Variants in DTNA observed in about 807,000 individuals in gnomAD.
DTNA encodes dystrobrevin alpha.
DTNA carries 43 observed loss-of-function variants against 100.7 expected under a neutral mutation model. The ratio of observed to expected loss-of-function variants is 0.43; its 90% CI spans 0.33 to 0.55. DTNA has a LOEUF of 0.55. Among genes scored for constraint, DTNA ranks in the 20% least tolerant of loss-of-function variants. The pLI is 0.04. For synonymous variants in DTNA, 349 were observed against 347.9 expected (o/e 1.00, Z -0.04); for missense variants, 798 against 953.9 (o/e 0.84, Z 2.15).
chr18:34,891,665 T>C lies in DTNA; in HGVS notation c.*3931T>C, dbSNP rs376796429. 8 of 152,364 alleles carry C rather than the reference T, an allele frequency of 5.3e-5. No homozygotes were observed. The highest frequency in any genetic ancestry group is 1.9e-4 in the African/African-American group (8 of 41,582). 9.4% of individuals were successfully genotyped at this position (152,364 alleles called of 1,614,324 possible). On this transcript the variant is annotated 3_prime_UTR_variant, in exon 23 of 23. Coordinates refer to ENST00000444659, the MANE Select transcript of DTNA (RefSeq NM_001386795.1). Reference sequence around the variant, plus strand: ...ATGGAAATCCTTATTATAATTGATATGGAAGTGAGTTTGAAATTCTAACAG... The same window carrying C: ...ATGGAAATCCTTATTATAATTGATACGGAAGTGAGTTTGAAATTCTAACAG...
At chr18:34,678,569 G>A (rs1433782857) in intron 1 of DTNA, among the ~76,000 whole-genome samples, 1 of 152,016 alleles carries the variant, frequency 6.6e-6, no homozygotes, top group Non-Finnish European at 1.5e-5. Flanking sequence ...TCAAATTTTT[G>A]CTGCTTCAAG....
intron 1 of DTNA, among the ~76,000 whole-genome samples, chr18:34,685,412 T>C (rs1452383111): frequency 6.6e-6 from 1 of 152,198 alleles, no homozygotes; most frequent in Non-Finnish European, 1.5e-5. Context: ...TCCCCATTGC[T>C]TGTTTGTGTC....
intron 1 of DTNA, among the ~76,000 whole-genome samples, chr18:34,751,409 T>G (rs2092308059): frequency 6.6e-6 from 1 of 152,186 alleles, no homozygotes; most frequent in South Asian, 2.1e-4. Flanking sequence ...AACCTGAATC[T>G]CTATACATCA....
At chr18:34,603,523 T>C (rs2052391199) in intron 1 of DTNA, among the ~76,000 whole-genome samples, 1 of 152,156 alleles carries the variant, frequency 6.6e-6, no homozygotes. Context: ...TTCACCTTTT[T>C]CGGTTTTCAT....
At chr18:34,875,517 TG>T in intron 18 of DTNA, 119 bp downstream of exon 18, 3 of 1,455,658 alleles carry the variant, frequency 2.1e-6, no homozygotes, top group Middle Eastern at 1.7e-4. Context: ...CTTTCATGGC[TG>T]GTGTCAGAGC....
intron 1 of DTNA, among the ~76,000 whole-genome samples, chr18:34,652,206 G>A (rs2060539359): frequency 6.6e-6 from 1 of 151,884 alleles, no homozygotes; most frequent in African/African-American, 2.4e-5. Flanking sequence ...GAGGGCGGGG[G>A]AGGGAGGACA....
At position 34,811,977 on chromosome 18, in the gene DTNA, C is replaced by G; in HGVS notation, c.467C>G (p.Ser156Cys). ...TCATCAGATATTTTCTCAATGATTTCTGACTCCAGTGGGGTGATGGTTTAT... is the reference window on the plus strand; with the variant it reads ...TCATCAGATATTTTCTCAATGATTTGTGACTCCAGTGGGGTGATGGTTTAT... ...DKLRYIFSMISDSSGVMVYGR... is the reference protein window; with the variant it reads ...DKLRYIFSMICDSSGVMVYGR... Residue 156 changes from serine to cysteine, a missense_variant, in exon 6 of 23, where the codon TCT becomes TGT. Around this residue, in one of 6 missense-constraint regions of DTNA, gnomAD observed 197 missense variants for 215.4 expected, o/e 0.91. Coordinates refer to ENST00000444659, the MANE Select transcript of DTNA (RefSeq NM_001386795.1). 1 of 1,613,930 alleles carries G rather than the reference C, an allele frequency of 6.2e-7. No individual in the cohort carries two copies. The highest frequency in any genetic ancestry group is 8.5e-7 in the Non-Finnish European group (1 of 1,179,908).
chr18:34,852,075 A>C, intron 15 of DTNA, 147 bp downstream of exon 15: 1 of 846,924 alleles, frequency 1.2e-6, no homozygotes, highest in Non-Finnish European at 1.9e-6. Context: ...ACTTCCAAAA[A>C]GCTGGTCTTT....
Position 34,818,151 on chromosome 18 carries a change from A to G in DTNA, c.710-13A>G, listed in dbSNP as rs1264482854. The G allele has an allele frequency of 6.2e-7, 1 of 1,613,792 alleles. No individual in the cohort carries two copies. Among genetic ancestry groups the G allele is most frequent in the Non-Finnish European group, 8.5e-7 (1 of 1,179,818 alleles). ...TTGTTTTCTTGGTTTTTCTTCACTT[A>G]CTTCCCCCTTAGTCTTCCATCCGGT... On this transcript the variant is annotated splice_polypyrimidine_tract_variant and intron_variant, in intron 7 of 22. Coordinates refer to ENST00000444659, the MANE Select transcript of DTNA (RefSeq NM_001386795.1).
At chr18:34,864,532 C>A (rs1239562375) in intron 17 of DTNA, among the ~76,000 whole-genome samples, 1 of 152,166 alleles carries the variant, frequency 6.6e-6, no homozygotes, top group East Asian at 1.9e-4. Context: ...GGATTACAGG[C>A]GTGAGCCACC....
At chr18:34,819,454 C>A (rs115362895) in intron 8 of DTNA, among the ~76,000 whole-genome samples, 1 of 152,138 alleles carries the variant, frequency 6.6e-6, no homozygotes, top group Non-Finnish European at 1.5e-5. Flanking sequence ...TACATTAACA[C>A]GGATCATGAA....
At chr18:34,881,174 C>T (rs749370378) in intron 20 of DTNA, among the ~76,000 whole-genome samples, 13 of 152,268 alleles carry the variant, frequency 8.5e-5, no homozygotes, top group Middle Eastern at 3.4e-3. Flanking sequence ...ACGCAAACAA[C>T]GACATTTAAG....
upstream of DTNA, among the ~76,000 whole-genome samples, chr18:34,706,822 A>G (rs146638242): frequency 7.0e-3 from 1,072 of 152,260 alleles, 13 homozygotes; most frequent in African/African-American, 0.025. Context: ...AATTTTTATG[A>G]GCAGAATAGA....
intron 4 of DTNA, among the ~76,000 whole-genome samples, chr18:34,796,931 C>G (rs2094997810): frequency 6.6e-6 from 1 of 152,098 alleles, no homozygotes; most frequent in Non-Finnish European, 1.5e-5. Context: ...AATAGCATTC[C>G]CTCTCCCACC....
intron 1 of DTNA, among the ~76,000 whole-genome samples, chr18:34,636,719 A>G (rs1414363761): frequency 6.6e-6 from 1 of 152,204 alleles, no homozygotes; most frequent in Non-Finnish European, 1.5e-5. Context: ...ACAGAACCAT[A>G]CAGAATGCTT....
chr18:34,793,450 A>G, intron 3 of DTNA, among the ~76,000 whole-genome samples: 1 of 152,184 alleles, frequency 6.6e-6, no homozygotes, highest in East Asian at 1.9e-4. Context: ...GCTGCAGTGT[A>G]TACATAACTT....
At chr18:34,869,699 G>A (rs2096744308) in intron 17 of DTNA, among the ~76,000 whole-genome samples, 1 of 147,052 alleles carries the variant, frequency 6.8e-6, no homozygotes. Context: ...TGAGAGAGGT[G>A]ATTAGTACAG....
intron 1 of DTNA, among the ~76,000 whole-genome samples, chr18:34,618,138 G>C (rs1203748996): frequency 6.6e-6 from 1 of 152,132 alleles, no homozygotes; most frequent in Non-Finnish European, 1.5e-5. Context: ...CCACAGTCTA[G>C]AGAGATTAAC....
intron 5 of DTNA, among the ~76,000 whole-genome samples, chr18:34,806,872 G>T (rs1210095057): frequency 6.6e-6 from 1 of 152,186 alleles, no homozygotes; most frequent in East Asian, 1.9e-4. Context: ...TGAACATTTT[G>T]TCTCTAAATA....
Sources: gnomAD v4.1 joint callset for allele counts (sites outside exome capture counted in the v4.1 genomes callset) on GRCh38, gnomAD v4.1.1 for gene constraint, gnomAD v4.1.1 regional missense constraint, MANE v1.5 for transcripts, NCBI Gene and HGNC (gene_info 2026-07-23, HGNC 2026-07-21) for gene names.